Variants in FHDC1 observed in about 807,000 individuals in gnomAD.
FHDC1 encodes FH2 domain-containing protein 1.
A neutral mutation model predicts 52.6 loss-of-function variants in FHDC1; 25 were observed. The observed-to-expected ratio is 0.48, with a 90% CI of 0.35 to 0.66. The LOEUF (loss-of-function observed/expected upper bound fraction) is 0.66. FHDC1 is among the 30% of genes least tolerant of loss of function. The pLI is 0.01. For missense variants in FHDC1, 1,459 were observed against 1,452.8 expected, an observed-to-expected ratio of 1.00 and a Z score of -0.07; for synonymous variants, 616 against 581.5, an observed-to-expected ratio of 1.06 and a Z score of -0.85.
rs149554650 is a variant in FHDC1, at chr4:152,976,357, G to C, written c.3066G>C (p.Val1022=). ...AAGAAGAGCCCAAGACCCCGTCAGT[G>C]CCCAGCGTCCCCCACGAACTACCCC... ...SPKEEPKTPS[V]PSVPHELPRV... Residue 1022 remains valine (V), a synonymous_variant, in exon 12 of 12, where the codon GTG becomes GTC. Coordinates refer to ENST00000511601, the MANE Select transcript of FHDC1 (RefSeq NM_001371116.1). The C allele has an allele frequency of 1.5e-5, 25 of 1,613,672 alleles. No individual in the cohort carries two copies. In the African/African-American group the frequency reaches 2.5e-4, roughly 16 times the overall value.
the FHDC1 span, among the ~76,000 whole-genome samples, chr4:152,928,689 C>G: frequency 6.6e-5 from 10 of 152,166 alleles, no homozygotes; most frequent in African/African-American, 1.9e-4. Context: ...AGAACTGACC[C>G]GGGTGATGAA....
Position 152,962,943 on chromosome 4 carries a change from GT to G in FHDC1, c.921+60del, listed in dbSNP as rs1561210689. ...TTTTCAACCTTGTCTATCTAAAGGT[GT>G]GTGTGTGTGTGTGTGTGTGTGTGTG... On this transcript the variant is annotated intron_variant, in intron 7 of 11. Transcript: ENST00000511601. The G allele has an allele frequency of 3.2e-5, 29 of 902,524 alleles. No individual in the cohort carries two copies. In the Middle Eastern group the frequency reaches 2.7e-3, roughly 85 times the overall value. 55.9% of individuals were successfully genotyped at this position (902,524 alleles called of 1,614,324 possible).
At position 152,978,614 on chromosome 4, in the gene FHDC1, C is replaced by T. The variant is rs139775216; in HGVS notation, c.*1891C>T. On this transcript the variant is annotated 3_prime_UTR_variant, in exon 12 of 12. Transcript: ENST00000511601. ...GACTCCTCTGAGACTAATTGGGAAA[C>T]GGGGAAATTCTTGGAATTTTTTTTT... 7.4e-4 allele frequency: 112 copies of T among 152,036 alleles called. No homozygotes were observed. The highest frequency in any genetic ancestry group is 2.4e-3 in the African/African-American group (101 of 41,456). 9.4% of individuals were successfully genotyped at this position (152,036 alleles called of 1,614,324 possible).
the FHDC1 span, chr4:152,912,001 AG>A: frequency 6.6e-6 from 1 of 152,604 alleles, no homozygotes; most frequent in African/African-American, 2.4e-5. Flanking sequence ...TTAAAAAAAA[AG>A]GTACTTCTGT....
the FHDC1 span, among the ~76,000 whole-genome samples, chr4:152,926,499 G>T: frequency 7.0e-6 from 1 of 143,608 alleles, no homozygotes; most frequent in Admixed American, 7.1e-5. Flanking sequence ...CTGATGTGAT[G>T]AAAAAAAAAG....
At chr4:152,969,390 T>C (rs1290794342) in intron 10 of FHDC1, among the ~76,000 whole-genome samples, 1 of 152,252 alleles carries the variant, frequency 6.6e-6, no homozygotes, top group Non-Finnish European at 1.5e-5. Context: ...AAACTAATTT[T>C]CTTGTTACAA....
chr4:152,939,100 C>A lies in FHDC1; in HGVS notation c.-131+2691C>A, dbSNP rs1239482631. On this transcript the variant is annotated intron_variant, in intron 1 of 11. Coordinates refer to ENST00000511601, the MANE Select transcript of FHDC1 (RefSeq NM_001371116.1). ...TTTGGTTATTGTTGTTTTGTTGTTG[C>A]GACGGAGTCTGGCTCTGTCGCCACG... 2.0e-5 allele frequency among the ~76,000 whole-genome samples: 3 copies of A among 152,068 alleles called. No individual in the cohort carries two copies. In the East Asian group the frequency reaches 5.8e-4, roughly 29 times the overall value.
chr4:152,969,086 TAAA>T (rs72178531), intron 10 of FHDC1, among the ~76,000 whole-genome samples: 1 of 137,064 alleles, frequency 7.3e-6, no homozygotes, highest in Non-Finnish European at 1.6e-5. Context: ...TCTTCCTTAT[TAAA>T]AAAAAAAAAA....
rs1417744282 is a variant in FHDC1, at chr4:152,943,706, G to A, written c.498+151G>A. The stretch of plus-strand genomic sequence containing the variant: ...TGGAAATGCTAGGCAGGGTCTTTAC[G>A]ATGAGCTTGAGCTGAGTATTGAGAA... On this transcript the variant is annotated intron_variant, in intron 2 of 11. Transcript: ENST00000511601. 9 of 941,594 alleles carry A rather than the reference G, an allele frequency of 9.6e-6. No individual in the cohort carries two copies. In the African/African-American group the frequency reaches 1.2e-4, roughly 12 times the overall value. 58.3% of individuals were successfully genotyped at this position (941,594 alleles called of 1,614,324 possible). A position where few individuals can be genotyped will look rare whatever the true frequency, so the allele number is the denominator to read the frequency against.
At chr4:152,916,177 G>A in the FHDC1 span, among the ~76,000 whole-genome samples, 101 of 152,168 alleles carry the variant, frequency 6.6e-4, no homozygotes, top group African/African-American at 2.3e-3. Flanking sequence ...GAAAACAAAA[G>A]ATTTGAGATC....
rs377668307 is a variant in FHDC1, at chr4:152,976,203, G to C, written c.2912G>C (p.Arg971Thr). 1.2e-5 allele frequency: 20 copies of C among 1,612,736 alleles called. No homozygotes were observed. The highest frequency in any genetic ancestry group is 1.5e-5 in the Non-Finnish European group (18 of 1,179,846). Residue 971 changes from arginine (R) to threonine (T), a missense_variant, in exon 12 of 12, where the codon AGG becomes ACG. By Grantham distance (71) the Arg-to-Thr change is moderately conservative. Around this residue, in one of 3 missense-constraint regions of FHDC1, gnomAD observed 939 missense variants for 854.5 expected, o/e 1.10. Transcript: ENST00000511601. ...GGCTCCAGCAGCACCCGTCCGGGGA[G>C]GGACGTTCCCCTGCAGCCCAGGGGT... ...SSGSSSTRPG[R>T]DVPLQPRGSF...
chr4:152,970,194 T>C (rs1027368483), intron 10 of FHDC1, among the ~76,000 whole-genome samples: 2 of 152,160 alleles, frequency 1.3e-5, no homozygotes, highest in African/African-American at 4.8e-5. Context: ...TTTTTGCAGA[T>C]CTATTTCAGC....
chr4:152,976,166 C>T lies in FHDC1; in HGVS notation c.2875C>T (p.Arg959Trp). Residue 959 changes from arginine to tryptophan, a missense_variant, in exon 12 of 12, where the codon CGG (arginine) becomes TGG (tryptophan). Arg to Trp is a moderately radical substitution (Grantham distance 101, BLOSUM62 -3). Coordinates refer to ENST00000511601, the MANE Select transcript of FHDC1 (RefSeq NM_001371116.1). Reference protein sequence around the residue: ...STGAEEQRLPRGSSGSSSTRP... With the variant: ...STGAEEQRLPWGSSGSSSTRP... ...AGGCGCCGAAGAGCAGAGGCTGCCG[C>T]GGGGGAGCAGCGGCTCCAGCAGCAC... is the stretch of plus-strand genomic sequence containing the variant. 1.9e-6 allele frequency: 3 copies of T among 1,611,956 alleles called. No individual in the cohort carries two copies. The highest frequency in any genetic ancestry group is 2.5e-6 in the Non-Finnish European group (3 of 1,179,498).
At chr4:152,949,481 A>G (rs764267601) in intron 2 of FHDC1, among the ~76,000 whole-genome samples, 1 of 152,162 alleles carries the variant, frequency 6.6e-6, no homozygotes, top group Non-Finnish European at 1.5e-5. Flanking sequence ...CCCTGTCTCT[A>G]AAAAAATAAA....
upstream of FHDC1, among the ~76,000 whole-genome samples, chr4:152,932,150 A>C (rs1465072273): frequency 6.6e-6 from 1 of 151,928 alleles, no homozygotes; most frequent in Non-Finnish European, 1.5e-5. Context: ...TTGGGAGGCC[A>C]AGGCAGGAGG....
chr4:152,921,639 T>G, the FHDC1 span, among the ~76,000 whole-genome samples: 10,586 of 145,720 alleles, frequency 0.073, 506 homozygotes, highest in Middle Eastern at 0.16. Flanking sequence ...CCTTCCTTTT[T>G]GCCAATAACT....
At chr4:152,921,558 C>T in the FHDC1 span, among the ~76,000 whole-genome samples, 1 of 128,128 alleles carries the variant, frequency 7.8e-6, no homozygotes, top group Non-Finnish European at 1.7e-5. Flanking sequence ...TCCTTCCTTC[C>T]TTCCTTCCTT....
chr4:152,935,462 A>G (rs1243212427), upstream of FHDC1, among the ~76,000 whole-genome samples: 1 of 152,118 alleles, frequency 6.6e-6, no homozygotes, highest in East Asian at 1.9e-4. Flanking sequence ...TTTGAAGAAA[A>G]AAAAAATGTG....
At position 152,974,936 on chromosome 4, in the gene FHDC1, C is replaced by T. The variant is rs567244042; in HGVS notation, c.1645C>T (p.Arg549Trp). The change falls in exon 12 of 12, where the codon CGG (arginine) becomes TGG (tryptophan). Residue 549 changes from arginine to tryptophan, a missense_variant. Transcript: ENST00000511601. ...CCTCTCCCTGGGTCCCTCTGCTGAC[C>T]GGGAGCTGCTGACCTTCTTGGAGAG... ...SRLSLGPSAD[R>W]ELLTFLESST... 25 of 1,612,388 alleles carry T rather than the reference C, an allele frequency of 1.6e-5. No homozygotes were observed. Among genetic ancestry groups the T allele is most frequent in the South Asian group, 4.4e-5 (4 of 91,030 alleles).
Sources: allele counts gnomAD v4.1 joint callset (sites outside exome capture counted in the v4.1 genomes callset), GRCh38; gene constraint gnomAD v4.1.1; regional missense constraint gnomAD v4.1.1; transcripts MANE v1.5; gene names NCBI Gene and HGNC (gene_info 2026-07-23, HGNC 2026-07-21).